Variants in ANKRD6 observed in about 807,000 individuals in gnomAD.
ANKRD6 encodes ankyrin repeat domain-containing protein 6.
ANKRD6 carries 56 observed loss-of-function variants against 82.3 expected under a neutral mutation model. The ratio of observed to expected loss-of-function variants is 0.68; its 90% confidence interval spans 0.55 to 0.85. The LOEUF (loss-of-function observed/expected upper bound fraction) is 0.85. Ranked by LOEUF, ANKRD6 falls within the 40% of genes least tolerant of loss-of-function variation. ANKRD6 has a pLI of 0.00. For synonymous variants in ANKRD6, 347 were observed against 352.1 expected, an observed-to-expected ratio of 0.99 and a Z score of 0.16; for missense variants, 852 against 907.6, an observed-to-expected ratio of 0.94 and a Z score of 0.79.
At chr6:89,601,414 AG>A (rs1342745025) in intron 3 of ANKRD6, among the ~76,000 whole-genome samples, 1 of 152,156 alleles carries the variant, frequency 6.6e-6, no homozygotes, top group African/African-American at 2.4e-5. Context: ...AGTCTGTGAC[AG>A]GGACAGTCCT....
intron 1 of ANKRD6, among the ~76,000 whole-genome samples, chr6:89,486,250 G>T (rs2127823539): frequency 6.6e-6 from 1 of 152,266 alleles, no homozygotes; most frequent in East Asian, 1.9e-4. Flanking sequence ...CTGATGTGTG[G>T]CACTTGAGAT....
At chr6:89,494,176 T>C (rs990784613) in intron 1 of ANKRD6, among the ~76,000 whole-genome samples, 1 of 151,294 alleles carries the variant, frequency 6.6e-6, no homozygotes, top group African/African-American at 2.4e-5. Flanking sequence ...ATGAGCGGCG[T>C]TGGTAGCCAA....
At chr6:89,491,870 G>A (rs1449396713) in intron 1 of ANKRD6, among the ~76,000 whole-genome samples, 1 of 152,006 alleles carries the variant, frequency 6.6e-6, no homozygotes, top group Non-Finnish European at 1.5e-5. Context: ...GAAGATGAAG[G>A]GTCACAGAGA....
chr6:89,544,148 G>C (rs6930294), intron 1 of ANKRD6, among the ~76,000 whole-genome samples: 49,898 of 152,032 alleles, frequency 0.33, 8,740 homozygotes, highest in Middle Eastern at 0.41. Flanking sequence ...TTTCATAAGA[G>C]ATCCACACTA....
intron 1 of ANKRD6, among the ~76,000 whole-genome samples, chr6:89,490,189 C>T (rs562603093): frequency 3.4e-4 from 52 of 152,278 alleles, no homozygotes; most frequent in African/African-American, 9.9e-4. Context: ...TGTTGGTCAT[C>T]GTAGGATTTA....
chr6:89,505,864 C>T (rs1345474038), intron 1 of ANKRD6, among the ~76,000 whole-genome samples: 2 of 152,152 alleles, frequency 1.3e-5, no homozygotes, highest in African/African-American at 4.8e-5. Flanking sequence ...GGAAATGAAC[C>T]CCAGTAGTAT....
chr6:89,575,209 A>G (rs1790838498), intron 2 of ANKRD6, among the ~76,000 whole-genome samples: 2 of 152,184 alleles, frequency 1.3e-5, no homozygotes, highest in Admixed American at 6.5e-5. Flanking sequence ...GCTTTTACGC[A>G]GAAAGGGGAG....
Position 89,599,640 on chromosome 6 carries a change from C to T in ANKRD6, c.220-3389C>T, listed in dbSNP as rs114803021. On this transcript the variant is annotated intron_variant, in intron 3 of 15. Transcript: ENST00000339746. Reference sequence around the variant, plus strand: ...AACTGACCCTGTTTCAACTGAGGGCCTCAAGGTACTAAATTGTTTGTGTTG... The same window carrying T: ...AACTGACCCTGTTTCAACTGAGGGCTTCAAGGTACTAAATTGTTTGTGTTG... Among the ~76,000 whole-genome samples, 457 of 93,840 alleles carry T rather than the reference C, an allele frequency of 4.9e-3. 2 individuals are homozygous for T. Among genetic ancestry groups the T allele is most frequent in the African/African-American group, 0.013 (445 of 35,088 alleles). The allele number at this position is 93,840 out of a possible 152,430, so 61.6% of individuals were successfully genotyped here. A position where few individuals can be genotyped will look rare whatever the true frequency, so the allele number is the denominator to read the frequency against.
chr6:89,480,634 T>C (rs1776673125), intron 1 of ANKRD6, among the ~76,000 whole-genome samples: 1 of 151,214 alleles, frequency 6.6e-6, no homozygotes, highest in South Asian at 2.1e-4. Flanking sequence ...ATTTTACTTT[T>C]AAAAATCAGA....
intron 1 of ANKRD6, among the ~76,000 whole-genome samples, chr6:89,483,799 C>A (rs1404539377): frequency 2.6e-5 from 4 of 152,186 alleles, no homozygotes; most frequent in Non-Finnish European, 5.9e-5. Flanking sequence ...TTTACAAGAA[C>A]AAGATTAGCT....
intron 9 of ANKRD6, chr6:89,618,245 C>G: frequency 1.4e-6 from 1 of 689,694 alleles, no homozygotes; most frequent in Non-Finnish European, 2.6e-6. Flanking sequence ...GCCTCATCTT[C>G]TCCCTGTGGC....
chr6:89,557,812 G>GA (rs1318661295), intron 1 of ANKRD6, among the ~76,000 whole-genome samples: 1 of 151,968 alleles, frequency 6.6e-6, no homozygotes, highest in Non-Finnish European at 1.5e-5. Flanking sequence ...ATAGGAGTGT[G>GA]AACCCTACTG....
At chr6:89,598,867 A>C (rs1292909209) in intron 3 of ANKRD6, among the ~76,000 whole-genome samples, 1 of 152,134 alleles carries the variant, frequency 6.6e-6, no homozygotes, top group East Asian at 1.9e-4. Flanking sequence ...TTTATGAAAG[A>C]GGCAGTCCCA....
chr6:89,485,422 G>C (rs913671343), intron 1 of ANKRD6, among the ~76,000 whole-genome samples: 3 of 152,238 alleles, frequency 2.0e-5, no homozygotes, highest in African/African-American at 4.8e-5. Context: ...CTCAAAAGCA[G>C]GTGCAGAGCT....
At chr6:89,502,629 T>G (rs535253133) in intron 1 of ANKRD6, among the ~76,000 whole-genome samples, 1 of 152,246 alleles carries the variant, frequency 6.6e-6, no homozygotes, top group African/African-American at 2.4e-5. Flanking sequence ...TTTTAAAAAG[T>G]TGGCTTTTAA....
At chr6:89,524,031 G>A (rs911667853) in intron 1 of ANKRD6, among the ~76,000 whole-genome samples, 3 of 152,172 alleles carry the variant, frequency 2.0e-5, no homozygotes, top group African/African-American at 7.2e-5. Context: ...CCTAGGCCAG[G>A]AGAGCCAGAC....
intron 1 of ANKRD6, among the ~76,000 whole-genome samples, chr6:89,508,436 C>T (rs148302632): frequency 6.6e-6 from 1 of 152,336 alleles, no homozygotes; most frequent in East Asian, 1.9e-4. Context: ...GGAGGTGGAA[C>T]TTGCCATAGC....
intron 1 of ANKRD6, among the ~76,000 whole-genome samples, chr6:89,488,058 G>A (rs1378294341): frequency 6.6e-6 from 1 of 152,194 alleles, no homozygotes; most frequent in African/African-American, 2.4e-5. Flanking sequence ...CAGGATGCTT[G>A]TTCAGCTTGC....
intron 1 of ANKRD6, among the ~76,000 whole-genome samples, chr6:89,514,730 T>C (rs1198350814): frequency 6.6e-6 from 1 of 152,156 alleles, no homozygotes; most frequent in Non-Finnish European, 1.5e-5. Context: ...ATACCTAGAA[T>C]TGGAATTGTT....
Sources: gnomAD v4.1 joint callset for allele counts (sites outside exome capture counted in the v4.1 genomes callset) on GRCh38, gnomAD v4.1.1 for gene constraint, MANE v1.5 for transcripts, NCBI Gene and HGNC (gene_info 2026-07-23, HGNC 2026-07-21) for gene names.